IL1RAPL2: variants seen among roughly 807,000 people sequenced by gnomAD.
The protein encoded by IL1RAPL2 is X-linked interleukin-1 receptor accessory protein-like 2.
Under a neutral mutation model 44.1 loss-of-function variants are expected in IL1RAPL2, and 3 were observed. That is an observed-to-expected ratio of 0.07 (90% CI 0.03 to 0.18). The LOEUF is 0.18. IL1RAPL2 is among the 10% of genes least tolerant of loss of function. IL1RAPL2 has a pLI of 1.00. For synonymous variants in IL1RAPL2, 181 were observed against 178.8 expected (o/e 1.01, Z -0.10); for missense variants, 391 against 496.4 (o/e 0.79, Z 2.02).
chrX:104,806,486 T>TG (rs1216101660), intron 2 of IL1RAPL2, among the ~76,000 whole-genome samples: 1 of 112,444 alleles, frequency 8.9e-6, no homozygotes, highest in Non-Finnish European at 1.9e-5. Flanking sequence ...GACAGCAGGT[T>TG]GGTTCTCTTT....
At chrX:105,115,179 C>T (rs770056308) in intron 2 of IL1RAPL2, among the ~76,000 whole-genome samples, 15 of 111,119 alleles carry the variant, frequency 1.3e-4, no homozygotes, top group Non-Finnish European at 2.3e-4. Context: ...CTGGTGGGTT[C>T]GTGGTCTCGC....
chrX:105,674,263 T>A (rs2037849328), intron 6 of IL1RAPL2, among the ~76,000 whole-genome samples: 1 of 112,160 alleles, frequency 8.9e-6, no homozygotes, highest in Non-Finnish European at 1.9e-5. Context: ...TCCTGAATGT[T>A]ATTGTGTAGA....
intron 6 of IL1RAPL2, among the ~76,000 whole-genome samples, chrX:105,495,241 A>G (rs1368316549): frequency 1.8e-5 from 2 of 112,356 alleles, no homozygotes; most frequent in Non-Finnish European, 3.8e-5. Context: ...CACACCTGGC[A>G]ATTAAGATCA....
At chrX:105,270,052 T>G (rs960034149) in intron 5 of IL1RAPL2, among the ~76,000 whole-genome samples, 1 of 111,903 alleles carries the variant, frequency 8.9e-6, no homozygotes, top group Non-Finnish European at 1.9e-5. Flanking sequence ...TTAATGTGCA[T>G]CAGAATCATG....
At chrX:105,588,160 G>A (rs1038957764) in intron 6 of IL1RAPL2, among the ~76,000 whole-genome samples, 14 of 108,770 alleles carry the variant, frequency 1.3e-4, no homozygotes, top group Non-Finnish European at 2.5e-4. Context: ...TTATTTTAAT[G>A]TTCTGCATCT....
intron 5 of IL1RAPL2, among the ~76,000 whole-genome samples, chrX:105,467,282 ATAAATAACAATC>A (rs2036137001): frequency 8.9e-6 from 1 of 111,906 alleles, no homozygotes; most frequent in African/African-American, 3.2e-5. Flanking sequence ...TTAGCCAAAG[ATAAATAACAATC>A]TGATTTGAGG....
intron 2 of IL1RAPL2, among the ~76,000 whole-genome samples, chrX:105,134,997 A>G (rs1228109930): frequency 1.8e-5 from 2 of 108,227 alleles, no homozygotes; most frequent in African/African-American, 3.4e-5. Flanking sequence ...CCAAGATGAC[A>G]AAGGAGTGCT....
chrX:105,738,317 A>T (rs1432861706), intron 7 of IL1RAPL2, among the ~76,000 whole-genome samples: 1 of 111,736 alleles, frequency 8.9e-6, no homozygotes, highest in Non-Finnish European at 1.9e-5. Flanking sequence ...GTTATTTTAC[A>T]GTTTCAGGAT....
chrX:104,740,696 T>G, intron 2 of IL1RAPL2, among the ~76,000 whole-genome samples: 2 of 111,640 alleles, frequency 1.8e-5, no homozygotes, highest in Non-Finnish European at 3.8e-5. Context: ...GGCCTTGGCT[T>G]TATTCAATCT....
At chrX:104,611,197 A>G (rs780682915) in intron 1 of IL1RAPL2, among the ~76,000 whole-genome samples, 20 of 111,502 alleles carry the variant, frequency 1.8e-4, no homozygotes, top group Non-Finnish European at 3.6e-4. Context: ...TGCTGGGAGA[A>G]ACATTGCTCT....
intron 2 of IL1RAPL2, among the ~76,000 whole-genome samples, chrX:104,867,236 CAA>C (rs35810207): frequency 0.25 from 10,724 of 43,306 alleles, 533 homozygotes; most frequent in East Asian, 0.41. Context: ...GTCTCTGTCT[CAA>C]AAAAAAAAAA....
chrX:105,723,521 C>T (rs1489639505), intron 7 of IL1RAPL2, among the ~76,000 whole-genome samples: 1 of 111,558 alleles, frequency 9.0e-6, no homozygotes, highest in East Asian at 2.8e-4. Flanking sequence ...AGCCATTCCA[C>T]ATTTTTTGGT....
intron 1 of IL1RAPL2, among the ~76,000 whole-genome samples, chrX:104,577,527 G>A (rs1359744204): frequency 8.9e-6 from 1 of 111,806 alleles, no homozygotes; most frequent in African/African-American, 3.3e-5. Flanking sequence ...GATGGATTAT[G>A]AATTGAAACT....
intron 5 of IL1RAPL2, among the ~76,000 whole-genome samples, chrX:105,306,183 A>T (rs979960457): frequency 1.8e-5 from 2 of 111,650 alleles, no homozygotes; most frequent in African/African-American, 6.5e-5. Context: ...AGGTATAGAT[A>T]GACATCTAAT....
chrX:105,759,134 G>C (rs1392636990), intron 10 of IL1RAPL2, among the ~76,000 whole-genome samples: 1 of 111,867 alleles, frequency 8.9e-6, no homozygotes, highest in Non-Finnish European at 1.9e-5. Context: ...TTTCTGTAGA[G>C]ATTAAATAAA....
intron 2 of IL1RAPL2, among the ~76,000 whole-genome samples, chrX:105,148,648 G>A (rs2033199764): frequency 9.0e-6 from 1 of 111,413 alleles, no homozygotes; most frequent in South Asian, 3.8e-4. Flanking sequence ...TTGTTTTTCT[G>A]AATCTTAGGC....
At chrX:105,737,402 T>C (rs1214669971) in intron 7 of IL1RAPL2, among the ~76,000 whole-genome samples, 1 of 111,578 alleles carries the variant, frequency 9.0e-6, no homozygotes, top group Non-Finnish European at 1.9e-5. Flanking sequence ...ACTGCTCTGT[T>C]GAGTGATTTG....
intron 2 of IL1RAPL2, among the ~76,000 whole-genome samples, chrX:104,894,266 A>T (rs1923565693): frequency 9.0e-6 from 1 of 110,840 alleles, no homozygotes; most frequent in African/African-American, 3.3e-5. Context: ...TGTGTCTTGG[A>T]GTTGCTCTTC....
At chrX:105,130,210 T>TC (rs2033013848) in intron 2 of IL1RAPL2, among the ~76,000 whole-genome samples, 1 of 111,321 alleles carries the variant, frequency 9.0e-6, no homozygotes, top group African/African-American at 3.3e-5. Flanking sequence ...TAACCACTAT[T>TC]CCAGTGCTCC....
Sources: gnomAD v4.1 joint callset for allele counts (sites outside exome capture counted in the v4.1 genomes callset) on GRCh38, gnomAD v4.1.1 for gene constraint, MANE v1.5 for transcripts, NCBI Gene and HGNC (gene_info 2026-07-23, HGNC 2026-07-21) for gene names.